KTN1: variants seen among roughly 807,000 people sequenced by gnomAD.
KTN1 encodes kinectin.
In KTN1, 130 loss-of-function variants were observed where a neutral mutation model predicts 222.5. The observed-to-expected ratio is 0.58, with a 90% CI of 0.51 to 0.68. The LOEUF (loss-of-function observed/expected upper bound fraction) is 0.68. Ranked by LOEUF, KTN1 falls within the 30% of genes least tolerant of loss-of-function variation. The pLI, the probability that KTN1 is intolerant of heterozygous loss-of-function variation, is 0.00. For missense variants in KTN1, 1,508 were observed against 1,500.4 expected (o/e 1.01, Z -0.08); for synonymous variants, 512 against 496.3 (o/e 1.03, Z -0.42).
intron 43 of KTN1, chr14:55,681,054 A>AT (rs1248033849): frequency 1.0e-5 from 2 of 198,494 alleles, no homozygotes; most frequent in Admixed American, 1.1e-4. Flanking sequence ...TACCACCCTT[A>AT]TTTTTTTACT....
chr14:55,611,119 C>T (rs904536773), intron 1 of KTN1, among the ~76,000 whole-genome samples: 11 of 152,144 alleles, frequency 7.2e-5, no homozygotes, highest in Admixed American at 5.2e-4. Flanking sequence ...CAGAGACTTG[C>T]TCTGTTGCCC....
chr14:55,655,314 G>T (rs539705631), intron 28 of KTN1, among the ~76,000 whole-genome samples: 1 of 152,274 alleles, frequency 6.6e-6, no homozygotes, highest in South Asian at 2.1e-4. Context: ...ATATGCATTT[G>T]AGTTTTTCCC....
At chr14:55,585,289 A>G (rs1165293998) in intron 1 of KTN1, among the ~76,000 whole-genome samples, 1 of 152,146 alleles carries the variant, frequency 6.6e-6, no homozygotes, top group East Asian at 1.9e-4. Flanking sequence ...GCTTGGTGGA[A>G]GGAATGATGT....
At position 55,612,480 on chromosome 14, in the gene KTN1, A is replaced by G; in HGVS notation, c.432A>G (p.Glu144=). ...CAAAGATTCCTGGCAAAAAAGTAGA[A>G]CCTGTCCCAGTTACTAAACAGCCCA... ...DASKIPGKKV[E]PVPVTKQPTP... is the part of the protein sequence containing the mutation. The change falls in exon 2 of 44, where the codon GAA becomes GAG. Residue 144 remains glutamate (E), a synonymous_variant. Transcript: ENST00000395314. 5 of 1,614,084 alleles carry G rather than the reference A, an allele frequency of 3.1e-6. No individual in the cohort carries two copies. In the South Asian group the frequency reaches 5.5e-5, roughly 18 times the overall value.
At position 55,675,815 on chromosome 14, in the gene KTN1, G is replaced by A; in HGVS notation, c.3772-20G>A. On this transcript the variant is annotated intron_variant, in intron 40 of 43. Coordinates refer to ENST00000395314, the MANE Select transcript of KTN1 (RefSeq NM_001079521.2). The stretch of plus-strand genomic sequence containing the variant: ...AATGATGCAAATTAAGTTAATTGTG[G>A]TGTTCCTTTATTTTTACAGTTGAAG... The A allele has an allele frequency of 4.0e-6, 6 of 1,501,912 alleles. No individual in the cohort carries two copies. Among genetic ancestry groups the A allele is most frequent in the Non-Finnish European group, 5.6e-6 (6 of 1,078,728 alleles). 93.0% of individuals were successfully genotyped at this position (1,501,912 alleles called of 1,614,324 possible).
At chr14:55,667,136 C>G in intron 33 of KTN1, 105 bp from the exon 34 acceptor site, 1 of 718,556 alleles carries the variant, frequency 1.4e-6, no homozygotes, top group Non-Finnish European at 2.3e-6. Flanking sequence ...TTTTTTTAAA[C>G]TTTTTCTTCC....
intron 1 of KTN1, among the ~76,000 whole-genome samples, chr14:55,600,423 T>C (rs886978375): frequency 1.8e-4 from 28 of 152,138 alleles, no homozygotes; most frequent in African/African-American, 5.8e-4. Context: ...AGATTTGTTA[T>C]GGTTAGGGTA....
chr14:55,650,227 A>C, intron 22 of KTN1, 101 bp from the exon 23 acceptor site: 2 of 746,800 alleles, frequency 2.7e-6, no homozygotes, highest in Admixed American at 5.2e-5. Flanking sequence ...AAAATGGGAA[A>C]GGGTTGATTT....
In KTN1 at chr14:55,646,983, A is replaced by T; in HGVS notation, c.2183A>T (p.Asp728Val). The change falls in exon 19 of 44, where the codon GAT (aspartate) becomes GTT (valine). Residue 728 changes from aspartate (D) to valine (V), a missense_variant. Physicochemically the swap from Asp to Val is radical, Grantham distance 152. Coordinates refer to ENST00000395314, the MANE Select transcript of KTN1 (RefSeq NM_001079521.2). ...QTLVSEQPNK[D>V]VVEQMEKCIQ... ...TGATTTTTATTTTAGCCTAATAAGGATGTTGTGGAACAAATGGAAAAATGG... is the reference window on the plus strand; with the variant it reads ...TGATTTTTATTTTAGCCTAATAAGGTTGTTGTGGAACAAATGGAAAAATGG... 2.0e-6 allele frequency: 3 copies of T among 1,535,204 alleles called. No homozygotes were observed. The highest frequency in any genetic ancestry group is 1.1e-5 in the South Asian group (1 of 88,606).
intron 1 of KTN1, among the ~76,000 whole-genome samples, chr14:55,594,484 T>A (rs1274107489): frequency 6.6e-6 from 1 of 151,198 alleles, no homozygotes; most frequent in Admixed American, 6.6e-5. Context: ...CTGTTCCCAC[T>A]CAAGCAGAGT....
At chr14:55,595,856 A>G (rs1259014862) in intron 1 of KTN1, among the ~76,000 whole-genome samples, 1 of 152,244 alleles carries the variant, frequency 6.6e-6, no homozygotes, top group East Asian at 1.9e-4. Context: ...ATTTTTTTTA[A>G]TAGTGACTGG....
At chr14:55,652,643 C>T (rs188931980) in intron 25 of KTN1, among the ~76,000 whole-genome samples, 255 of 152,330 alleles carry the variant, frequency 1.7e-3, no homozygotes, top group Middle Eastern at 3.4e-3. Flanking sequence ...TTGTGATCCG[C>T]CCGCCTTGGC....
At chr14:55,581,949 T>C (rs932097486) in intron 1 of KTN1, among the ~76,000 whole-genome samples, 1 of 152,028 alleles carries the variant, frequency 6.6e-6, no homozygotes, top group African/African-American at 2.4e-5. Context: ...CTGAAATAGC[T>C]GGGTCTGTTC....
intron 1 of KTN1, among the ~76,000 whole-genome samples, chr14:55,581,532 G>T (rs2031645672): frequency 6.6e-6 from 1 of 152,130 alleles, no homozygotes; most frequent in Admixed American, 6.6e-5. Context: ...GTTAAGGTGT[G>T]TGTGTGTGTG....
Position 55,656,192 on chromosome 14 carries a change from A to G in KTN1, c.2892+60A>G, listed in dbSNP as rs556359123. On this transcript the variant is annotated intron_variant, in intron 29 of 43. Transcript: ENST00000395314. ...AATTATTGTCTTTGCATGCTTTAAAATAATTTTTAACTGCTGCCAAAAAAT... is the reference window on the plus strand; with the variant it reads ...AATTATTGTCTTTGCATGCTTTAAAGTAATTTTTAACTGCTGCCAAAAAAT... The G allele has an allele frequency of 3.5e-5, 42 of 1,208,406 alleles. No individual in the cohort carries two copies. The South Asian group carries it at 4.1e-4, about 12-fold the overall frequency. 74.9% of individuals were successfully genotyped at this position (1,208,406 alleles called of 1,614,324 possible). A position where few individuals can be genotyped will look rare whatever the true frequency, so the allele number is the denominator to read the frequency against.
At chr14:55,613,350 A>C (rs2037872693) in intron 2 of KTN1, among the ~76,000 whole-genome samples, 1 of 152,058 alleles carries the variant, frequency 6.6e-6, no homozygotes, top group Non-Finnish European at 1.5e-5. Context: ...TTCCAGGGAA[A>C]GGGGGTTGAT....
At position 55,610,321 on chromosome 14, in the gene KTN1, C is replaced by T. The variant is rs759510046; in HGVS notation, c.-30-1698C>T. ...TGACCCTCCATATACTTGGGTTTCA[C>T]GTCCAGCAAATACGTATTTTCAGTA... On this transcript the variant is annotated intron_variant, in intron 1 of 43. Coordinates refer to ENST00000395314, the MANE Select transcript of KTN1 (RefSeq NM_001079521.2). 9.9e-5 allele frequency among the ~76,000 whole-genome samples: 15 copies of T among 151,778 alleles called. 1 individual carries two copies. In the South Asian group the frequency reaches 1.0e-3, roughly 11 times the overall value.
chr14:55,616,556 CA>C lies in KTN1; in HGVS notation c.568del (p.Arg190GlyfsTer34). On this transcript the variant is annotated frameshift_variant, in exon 3 of 44. Coordinates refer to ENST00000395314, the MANE Select transcript of KTN1 (RefSeq NM_001079521.2). LOFTEE classifies it high-confidence loss of function. Reference sequence around the variant, plus strand: ...AAGGTGGAAACTCTCATGGTACCATCAAAAAGGCAAGAAGCATTGCCCCTCC... The same window carrying C: ...AAGGTGGAAACTCTCATGGTACCATCAAAAGGCAAGAAGCATTGCCCCTCC... ...DKKVETLMVPSKRQEALPLHQ... is the reference protein window; with the variant it reads ...DKKVETLMVPXKRQEALPLHQ... 6.2e-7 allele frequency: 1 copy of C among 1,602,548 alleles called. No homozygotes were observed. The highest frequency in any genetic ancestry group is 8.5e-7 in the Non-Finnish European group (1 of 1,176,804).
At chr14:55,609,944 A>G (rs1023031963) in intron 1 of KTN1, among the ~76,000 whole-genome samples, 1 of 152,214 alleles carries the variant, frequency 6.6e-6, no homozygotes, top group Non-Finnish European at 1.5e-5. Context: ...TAATGGAGGC[A>G]CAGTGAAATG....
Sources: gnomAD v4.1 joint callset for allele counts (sites outside exome capture counted in the v4.1 genomes callset) on GRCh38, gnomAD v4.1.1 for gene constraint, MANE v1.5 for transcripts, NCBI Gene and HGNC (gene_info 2026-07-23, HGNC 2026-07-21) for gene names.